FRMPD4: variants seen among roughly 807,000 people sequenced by gnomAD.
FRMPD4 encodes the protein FERM and PDZ domain containing 4.
A neutral mutation model predicts 94.1 loss-of-function variants in FRMPD4; 22 were observed. The observed-to-expected ratio is 0.23, with a 90% CI of 0.17 to 0.33. The LOEUF is 0.33. Among genes scored for constraint, FRMPD4 ranks in the 10% least tolerant of loss-of-function variants. The probability of loss-of-function intolerance (pLI) is 1.00; values close to 1 mark genes in which losing one functional copy is unlikely to be tolerated. For synonymous variants in FRMPD4, 631 were observed against 548.6 expected, an observed-to-expected ratio of 1.15 and a Z score of -2.10; for missense variants, 1,111 against 1,339.9, an observed-to-expected ratio of 0.83 and a Z score of 2.67.
chrX:12,516,140 GA>G (rs2058093566), intron 2 of FRMPD4, among the ~76,000 whole-genome samples: 1 of 111,799 alleles, frequency 8.9e-6, no homozygotes, highest in Non-Finnish European at 1.9e-5. Context: ...GATGGGTCTT[GA>G]CTCTTTATCC....
intron 3 of FRMPD4, among the ~76,000 whole-genome samples, chrX:12,088,424 C>T: frequency 8.9e-6 from 1 of 111,936 alleles, no homozygotes; most frequent in Non-Finnish European, 1.9e-5. Context: ...ACAGCAGGAG[C>T]ATAAACATTC....
At chrX:12,103,045 A>AT (rs1227520011) in intron 3 of FRMPD4, among the ~76,000 whole-genome samples, 1 of 111,247 alleles carries the variant, frequency 9.0e-6, no homozygotes, top group Non-Finnish European at 1.9e-5. Flanking sequence ...CCAGCAAAGT[A>AT]TTTTTCCCCA....
At chrX:12,228,198 A>T (rs951405894) in intron 1 of FRMPD4, among the ~76,000 whole-genome samples, 1 of 112,318 alleles carries the variant, frequency 8.9e-6, no homozygotes, top group African/African-American at 3.2e-5. Flanking sequence ...TTTACACTTC[A>T]CAATAGCCTA....
chrX:11,837,470 A>G (rs2053507476), intron 1 of FRMPD4, among the ~76,000 whole-genome samples: 1 of 111,665 alleles, frequency 9.0e-6, no homozygotes, highest in Non-Finnish European at 1.9e-5. Flanking sequence ...AGGATGTGGT[A>G]AAAGAATCAT....
intron 1 of FRMPD4, among the ~76,000 whole-genome samples, chrX:12,231,031 TATATATATATATATATAAA>T (rs1416802975): frequency 4.0e-4 from 10 of 25,099 alleles, no homozygotes; most frequent in Admixed American, 3.2e-3. Context: ...ATATATATAG[TATATATATATATATATAAA>T]ATATATATAT....
intron 1 of FRMPD4, among the ~76,000 whole-genome samples, chrX:12,171,537 C>G (rs1027626693): frequency 9.0e-6 from 1 of 111,151 alleles, no homozygotes; most frequent in African/African-American, 3.3e-5. Flanking sequence ...GTGCTTCTAA[C>G]TTGTTCAAGT....
intron 1 of FRMPD4, among the ~76,000 whole-genome samples, chrX:12,199,080 C>A (rs1201383392): frequency 9.0e-6 from 1 of 111,460 alleles, no homozygotes; most frequent in Non-Finnish European, 1.9e-5. Context: ...TCAGAAAATA[C>A]AGCTTGCTGG....
At chrX:11,968,423 G>A (rs1350817864) in intron 3 of FRMPD4, among the ~76,000 whole-genome samples, 1 of 111,578 alleles carries the variant, frequency 9.0e-6, no homozygotes, top group Admixed American at 9.5e-5. Flanking sequence ...TGAGACACAG[G>A]GTTTATTGAG....
At chrX:12,357,843 G>A (rs759025785) in intron 1 of FRMPD4, among the ~76,000 whole-genome samples, 15 of 111,817 alleles carry the variant, frequency 1.3e-4, no homozygotes, top group Non-Finnish European at 2.1e-4. Flanking sequence ...AGTTGTGCAA[G>A]CATCACCATA....
chrX:11,824,568 C>A (rs924256821), intron 1 of FRMPD4, among the ~76,000 whole-genome samples: 1 of 111,797 alleles, frequency 8.9e-6, no homozygotes, highest in Admixed American at 9.5e-5. Context: ...CATTGCCAGA[C>A]ATCCCCTGGG....
chrX:11,856,390 G>A (rs1474219099), intron 1 of FRMPD4, among the ~76,000 whole-genome samples: 2 of 111,863 alleles, frequency 1.8e-5, no homozygotes, highest in African/African-American at 3.3e-5. Context: ...GGGATGCAAG[G>A]TTGGTTCAAC....
At chrX:12,708,199 C>T (rs1311127638) in intron 13 of FRMPD4, among the ~76,000 whole-genome samples, 2 of 111,373 alleles carry the variant, frequency 1.8e-5, no homozygotes, top group African/African-American at 6.6e-5. Context: ...TGGCCAGGTG[C>T]GGTGGCTGAT....
In FRMPD4 at chrX:12,495,746, TAA is replaced by T. The variant is rs112217539; in HGVS notation, c.42-2926_42-2925del. On this transcript the variant is annotated intron_variant, in intron 1 of 16. Transcript: ENST00000675598. ...AGCTAAAAATAAAAAATAATAATAA[TAA>T]AAAAAAAGGTAGAGTTATGTGGAGC... Among the ~76,000 whole-genome samples the T allele has an allele frequency of 8.6e-4, 94 of 109,252 alleles. 1 individual carries two copies. Among genetic ancestry groups the T allele is most frequent in the Admixed American group, 2.1e-3 (22 of 10,283 alleles). The allele number at this position is 109,252 out of a possible 115,157, so 94.9% of individuals were successfully genotyped here. A position where few individuals can be genotyped will look rare whatever the true frequency, so the allele number is the denominator to read the frequency against.
intron 3 of FRMPD4, among the ~76,000 whole-genome samples, chrX:11,884,582 C>T (rs1000773409): frequency 2.7e-5 from 3 of 111,059 alleles, no homozygotes; most frequent in African/African-American, 9.8e-5. Flanking sequence ...TTTATATATA[C>T]ACACATATAC....
chrX:12,497,168 T>C (rs989731570), intron 1 of FRMPD4, among the ~76,000 whole-genome samples: 1 of 111,686 alleles, frequency 9.0e-6, no homozygotes, highest in Non-Finnish European at 1.9e-5. Context: ...CCGAACATAA[T>C]TGAGTAAGCC....
chrX:11,839,173 C>T (rs115486628), intron 1 of FRMPD4, among the ~76,000 whole-genome samples: 1,435 of 108,529 alleles, frequency 0.013, 24 homozygotes, highest in African/African-American at 0.044. Flanking sequence ...AAGGAAACTG[C>T]CAAATTGTTT....
At chrX:12,614,711 C>A in intron 3 of FRMPD4, 68 bp from the exon 4 acceptor site, 1 of 565,599 alleles carries the variant, frequency 1.8e-6, no homozygotes, top group Admixed American at 2.5e-5. Flanking sequence ...GAATCATGAT[C>A]AGGAGAGGAG....
At chrX:12,187,688 T>C in intron 1 of FRMPD4, among the ~76,000 whole-genome samples, 1 of 111,478 alleles carries the variant, frequency 9.0e-6, no homozygotes, top group East Asian at 2.8e-4. Context: ...TTGTTCTGTA[T>C]AAGAATTTGG....
At chrX:12,203,436 T>C (rs754946800) in intron 1 of FRMPD4, among the ~76,000 whole-genome samples, 1 of 111,867 alleles carries the variant, frequency 8.9e-6, no homozygotes, top group South Asian at 3.8e-4. Context: ...TATATATTAA[T>C]GCCCAAACGT....
Sources: allele counts gnomAD v4.1 joint callset (sites outside exome capture counted in the v4.1 genomes callset), GRCh38; gene constraint gnomAD v4.1.1; transcripts MANE v1.5; gene names NCBI Gene and HGNC (gene_info 2026-07-23, HGNC 2026-07-21).